Variants in NLGN1 observed in about 807,000 individuals in gnomAD.
NLGN1 encodes the protein neuroligin-1.
In NLGN1, 12 loss-of-function variants were observed where a neutral mutation model predicts 65.5. The ratio of observed to expected loss-of-function variants is 0.18; its 90% CI spans 0.12 to 0.30. The LOEUF (loss-of-function observed/expected upper bound fraction) is 0.30. NLGN1 is among the 10% of genes least tolerant of loss of function. The probability of loss-of-function intolerance (pLI) is 1.00; values close to 1 mark genes in which losing one functional copy is unlikely to be tolerated. For synonymous variants in NLGN1, 350 were observed against 359.5 expected (o/e 0.97, Z 0.30); for missense variants, 750 against 1,007.1 (o/e 0.74, Z 3.46).
chr3:174,028,847 G>T (rs1352235572), intron 4 of NLGN1, among the ~76,000 whole-genome samples: 4 of 152,196 alleles, frequency 2.6e-5, no homozygotes, highest in African/African-American at 9.6e-5. Context: ...AGGCCTGGAG[G>T]CTTAGGAGGG....
Position 174,261,594 on chromosome 3 carries a change from A to T in NLGN1, c.647-13721A>T, listed in dbSNP as rs1424443547. Among the ~76,000 whole-genome samples the T allele has an allele frequency of 8.3e-5, 11 of 133,122 alleles. No individual in the cohort carries two copies. The East Asian group carries it at 2.3e-3, about 28-fold the overall frequency. 87.3% of individuals were successfully genotyped at this position (133,122 alleles called of 152,430 possible). A position where few individuals can be genotyped will look rare whatever the true frequency, so the allele number is the denominator to read the frequency against. ...CTTAAGGAGATTTTGGGCTGAGACAATGGGGTTTTCTAGATATACAATCAT... is the reference window on the plus strand; with the variant it reads ...CTTAAGGAGATTTTGGGCTGAGACATTGGGGTTTTCTAGATATACAATCAT... On this transcript the variant is annotated intron_variant, in intron 4 of 6. Transcript: ENST00000457714.
At chr3:174,110,083 G>A (rs981961391) in intron 4 of NLGN1, among the ~76,000 whole-genome samples, 1 of 151,902 alleles carries the variant, frequency 6.6e-6, no homozygotes, top group African/African-American at 2.4e-5. Flanking sequence ...GTATACACTT[G>A]ATTTGTCATT....
rs574298501 is a variant in NLGN1 at position 174,147,419 on chromosome 3, C to CTTTTTT, written c.647-127870_647-127865dup. ...TGAATTTTTGTGTAATGGCTCATGG[C>CTTTTTT]TTTTTTTTTTTTTTTTTTTTTTTTT... On this transcript the variant is annotated intron_variant, in intron 4 of 6. Coordinates refer to ENST00000457714, the Ensembl canonical transcript of NLGN1. Among the ~76,000 whole-genome samples, 34 of 36,262 alleles carry CTTTTTT rather than the reference C, an allele frequency of 9.4e-4. 5 individuals are homozygous for CTTTTTT. Among genetic ancestry groups the CTTTTTT allele is most frequent in the Non-Finnish European group, 1.2e-3 (20 of 17,302 alleles). 23.8% of individuals were successfully genotyped at this position (36,262 alleles called of 152,430 possible).
At chr3:173,823,290 A>G (rs1720681586) in intron 4 of NLGN1, among the ~76,000 whole-genome samples, 1 of 152,080 alleles carries the variant, frequency 6.6e-6, no homozygotes. Flanking sequence ...TGCAATACAC[A>G]TACATAATTT....
intron 4 of NLGN1, among the ~76,000 whole-genome samples, chr3:173,924,147 C>T (rs527449890): frequency 6.6e-6 from 1 of 152,168 alleles, no homozygotes; most frequent in East Asian, 1.9e-4. Context: ...GTTTAGTAAT[C>T]ATCAAATGTA....
chr3:173,827,627 A>ATGTGTGTG (rs1179875893), intron 4 of NLGN1, among the ~76,000 whole-genome samples: 4 of 71,798 alleles, frequency 5.6e-5, no homozygotes, highest in Admixed American at 3.5e-4. Flanking sequence ...TATATTTATG[A>ATGTGTGTG]TATGTGTGTG....
At chr3:173,680,893 G>A (rs917160403) in intron 3 of NLGN1, among the ~76,000 whole-genome samples, 1 of 152,076 alleles carries the variant, frequency 6.6e-6, no homozygotes, top group Admixed American at 6.6e-5. Context: ...GTGATGCCTT[G>A]CAATTGGAAT....
intron 4 of NLGN1, among the ~76,000 whole-genome samples, chr3:174,157,580 T>C (rs1230061563): frequency 6.6e-6 from 1 of 151,772 alleles, no homozygotes; most frequent in Admixed American, 6.6e-5. Flanking sequence ...CCTAACACAA[T>C]GATGGTCTTC....
chr3:173,611,706 C>T (rs1156358990), intron 3 of NLGN1, among the ~76,000 whole-genome samples: 1 of 152,052 alleles, frequency 6.6e-6, no homozygotes, highest in Non-Finnish European at 1.5e-5. Flanking sequence ...AAAAGAACAA[C>T]ATCAGTTGTT....
intron 2 of NLGN1, among the ~76,000 whole-genome samples, chr3:173,585,549 C>T (rs1233575334): frequency 2.0e-5 from 3 of 152,110 alleles, no homozygotes; most frequent in Admixed American, 6.5e-5. Context: ...GTTACAGGGT[C>T]ACTGCACCGG....
intron 4 of NLGN1, among the ~76,000 whole-genome samples, chr3:174,039,784 A>G (rs1233102590): frequency 6.6e-6 from 1 of 152,096 alleles, no homozygotes; most frequent in East Asian, 1.9e-4. Flanking sequence ...GTTTGTGTTT[A>G]TGGTGCCTTT....
At position 174,260,541 on chromosome 3, in the gene NLGN1, T is replaced by A. The variant is rs200427965; in HGVS notation, c.647-14774T>A. 4.9e-3 allele frequency among the ~76,000 whole-genome samples: 730 copies of A among 150,012 alleles called. 11 individuals are homozygous for A. Among genetic ancestry groups the A allele is most frequent in the East Asian group, 0.026 (128 of 4,962 alleles). ...ACTTTTTGATGGGGTTGTTTGTTTT[T>A]TTCTTGTAAATTTGTTTGAGTTCAT... is the stretch of plus-strand genomic sequence containing the variant. On this transcript the variant is annotated intron_variant, in intron 4 of 6. Transcript: ENST00000457714.
chr3:174,136,756 C>G (rs1273318327), intron 4 of NLGN1, among the ~76,000 whole-genome samples: 1 of 152,072 alleles, frequency 6.6e-6, no homozygotes, highest in Non-Finnish European at 1.5e-5. Context: ...AGTACCTTGA[C>G]TATTCAAAGG....
chr3:173,808,433 GT>G (rs1318613067), intron 4 of NLGN1, among the ~76,000 whole-genome samples: 2 of 152,090 alleles, frequency 1.3e-5, no homozygotes, highest in Non-Finnish European at 2.9e-5. Flanking sequence ...TAAATACAAA[GT>G]GGAGATTTTT....
Position 174,061,785 on chromosome 3 carries a change from G to A in NLGN1, c.647-213530G>A, listed in dbSNP as rs147497738. Among the ~76,000 whole-genome samples the A allele has an allele frequency of 2.0e-3, 297 of 152,216 alleles. 1 individual carries two copies. The highest frequency in any genetic ancestry group is 7.9e-3 in the East Asian group (41 of 5,178). On this transcript the variant is annotated intron_variant, in intron 4 of 6. Coordinates refer to ENST00000457714, the Ensembl canonical transcript of NLGN1. ...CTTGGCTACTCTATAAAGTGCAGAAGCTCCAGTTACTGGATCTCCATTGAA... is the reference window on the plus strand; with the variant it reads ...CTTGGCTACTCTATAAAGTGCAGAAACTCCAGTTACTGGATCTCCATTGAA...
intron 4 of NLGN1, among the ~76,000 whole-genome samples, chr3:173,924,018 T>C (rs1407869057): frequency 3.9e-5 from 6 of 152,266 alleles, no homozygotes; most frequent in African/African-American, 1.4e-4. Context: ...ATAAAATCTA[T>C]GTTTAATATT....
At chr3:173,461,713 T>G (rs996724894) in intron 2 of NLGN1, among the ~76,000 whole-genome samples, 19 of 152,144 alleles carry the variant, frequency 1.2e-4, no homozygotes, top group Admixed American at 5.2e-4. Context: ...ACTAGAAAGA[T>G]TATCTCTCTA....
chr3:173,964,310 A>G (rs1714306425), intron 4 of NLGN1, among the ~76,000 whole-genome samples: 2 of 152,204 alleles, frequency 1.3e-5, no homozygotes, highest in African/African-American at 4.8e-5. Flanking sequence ...TCATCTTGTT[A>G]CCATACTGAA....
intron 4 of NLGN1, among the ~76,000 whole-genome samples, chr3:174,255,859 A>T (rs978335271): frequency 2.0e-5 from 3 of 151,896 alleles, no homozygotes; most frequent in African/African-American, 7.3e-5. Context: ...ATGTTTTGCC[A>T]TGTTACCCAG....
Sources: allele counts gnomAD v4.1 joint callset (sites outside exome capture counted in the v4.1 genomes callset), GRCh38; gene constraint gnomAD v4.1.1; transcripts MANE v1.5; gene names NCBI Gene and HGNC (gene_info 2026-07-23, HGNC 2026-07-21).